SPAG16: variants seen among roughly 807,000 people sequenced by gnomAD.
SPAG16 encodes the protein sperm associated antigen 16, also known as sperm-associated antigen 16 protein.
In SPAG16, 86 loss-of-function variants were observed where a neutral mutation model predicts 80.4. The ratio of observed to expected loss-of-function variants is 1.07; its 90% confidence interval spans 0.90 to 1.28. The LOEUF (loss-of-function observed/expected upper bound fraction) is 1.28, where lower values mean the gene tolerates loss of function less well. SPAG16 is among the 50% of genes most tolerant of loss of function. The pLI, the probability that SPAG16 is intolerant of heterozygous loss-of-function variation, is 0.00. For missense variants in SPAG16, 870 were observed against 765.3 expected (o/e 1.14, Z -1.61); for synonymous variants, 294 against 265.9 (o/e 1.11, Z -1.03).
At chr2:214,048,571 G>A (rs143235392) in intron 13 of SPAG16, among the ~76,000 whole-genome samples, 13 of 151,982 alleles carry the variant, frequency 8.6e-5, no homozygotes, top group African/African-American at 2.4e-4. Context: ...GGTAGTAGAC[G>A]GGTGGCGGGG....
At chr2:214,372,888 A>G (rs900252371) in intron 15 of SPAG16, among the ~76,000 whole-genome samples, 1 of 152,156 alleles carries the variant, frequency 6.6e-6, no homozygotes, top group Non-Finnish European at 1.5e-5. Flanking sequence ...TTAAGATTAG[A>G]AATAAAACTT....
At chr2:213,757,659 A>G (rs1297253471) in intron 10 of SPAG16, among the ~76,000 whole-genome samples, 1 of 152,170 alleles carries the variant, frequency 6.6e-6, no homozygotes, top group Non-Finnish European at 1.5e-5. Flanking sequence ...GATTAATTTC[A>G]GTCAATTTCA....
chr2:213,603,067 C>T (rs749440810), intron 10 of SPAG16, among the ~76,000 whole-genome samples: 38 of 152,142 alleles, frequency 2.5e-4, no homozygotes, highest in Non-Finnish European at 4.7e-4. Flanking sequence ...CATTCATTTG[C>T]GTGAAAAGTG....
intron 3 of SPAG16, among the ~76,000 whole-genome samples, chr2:213,301,222 T>C (rs1193753865): frequency 6.7e-6 from 1 of 148,640 alleles, no homozygotes; most frequent in East Asian, 1.9e-4. Flanking sequence ...ATTCCCATTC[T>C]CTCCATGTAC....
intron 9 of SPAG16, among the ~76,000 whole-genome samples, chr2:213,421,136 G>A (rs927211576): frequency 6.6e-6 from 1 of 152,166 alleles, no homozygotes; most frequent in Non-Finnish European, 1.5e-5. Flanking sequence ...CTGGACCTGG[G>A]CATCCATATA....
At chr2:213,608,213 G>A (rs535630434) in intron 10 of SPAG16, among the ~76,000 whole-genome samples, 27 of 152,188 alleles carry the variant, frequency 1.8e-4, no homozygotes, top group African/African-American at 6.3e-4. Flanking sequence ...TAGGGTACAT[G>A]TGCACAACGT....
At chr2:214,367,077 G>A (rs78691470) in intron 15 of SPAG16, among the ~76,000 whole-genome samples, 2 of 152,108 alleles carry the variant, frequency 1.3e-5, no homozygotes, top group Admixed American at 1.3e-4. Context: ...GGGAATTAGT[G>A]GGGGACAGGA....
At chr2:214,363,012 T>C (rs939996124) in intron 15 of SPAG16, among the ~76,000 whole-genome samples, 3 of 151,914 alleles carry the variant, frequency 2.0e-5, no homozygotes, top group Admixed American at 6.6e-5. Context: ...ACCAGGACTC[T>C]TAATACCATT....
intron 9 of SPAG16, among the ~76,000 whole-genome samples, chr2:213,398,146 AC>A (rs1211067070): frequency 1.3e-5 from 2 of 150,206 alleles, no homozygotes; most frequent in African/African-American, 2.5e-5. Context: ...ATTTTTTCTT[AC>A]CACTAGCACT....
At chr2:213,900,266 G>A (rs1013604981) in intron 11 of SPAG16, among the ~76,000 whole-genome samples, 2 of 152,062 alleles carry the variant, frequency 1.3e-5, no homozygotes, top group East Asian at 3.8e-4. Context: ...AGAATGGCGT[G>A]TCTCCATTTG....
chr2:213,361,789 C>CCACACACA (rs10585217), intron 7 of SPAG16, among the ~76,000 whole-genome samples: 7,564 of 139,974 alleles, frequency 0.054, 229 homozygotes, highest in Middle Eastern at 0.082. Context: ...ACTGATAATG[C>CCACACACA]CACACACACA....
Position 214,141,928 on chromosome 2 carries a change from A to G in SPAG16, c.1594-7212A>G, listed in dbSNP as rs112993721. Among the ~76,000 whole-genome samples, 613 of 152,192 alleles carry G rather than the reference A, an allele frequency of 4.0e-3. 5 individuals are homozygous for G. The highest frequency in any genetic ancestry group is 0.017 in the Middle Eastern group (5 of 294). On this transcript the variant is annotated intron_variant, in intron 14 of 15. Transcript: ENST00000331683. ...AGTCTTGATATTATATTTTTCTTCA[A>G]TTCTGGCAAAGTTTCAGCCATTACA... is the stretch of plus-strand genomic sequence containing the variant.
chr2:213,294,815 A>G (rs1318935126), intron 1 of SPAG16, among the ~76,000 whole-genome samples: 1 of 152,204 alleles, frequency 6.6e-6, no homozygotes, highest in African/African-American at 2.4e-5. Flanking sequence ...GAAAACCCAC[A>G]CAGAACATGG....
intron 11 of SPAG16, among the ~76,000 whole-genome samples, chr2:213,868,003 G>A (rs1194971533): frequency 6.6e-6 from 1 of 151,402 alleles, no homozygotes; most frequent in Non-Finnish European, 1.5e-5. Context: ...GCTACGAAGG[G>A]AAGAGGCAAT....
rs562176677 is a variant in SPAG16 at position 213,877,417 on chromosome 2, C to G, written c.1214+14789C>G. Among the ~76,000 whole-genome samples the G allele has an allele frequency of 5.9e-5, 9 of 152,234 alleles. No homozygotes were observed. The South Asian group carries it at 1.9e-3, about 32-fold the overall frequency. On this transcript the variant is annotated intron_variant, in intron 11 of 15. Coordinates refer to ENST00000331683, the MANE Select transcript of SPAG16 (RefSeq NM_024532.5). Reference sequence around the variant, plus strand: ...CTCAACCTCCCAACATCAAGTGATTCTTCCACCTCAGCTCCCCAAAAAGCT... The same window carrying G: ...CTCAACCTCCCAACATCAAGTGATTGTTCCACCTCAGCTCCCCAAAAAGCT...
chr2:214,181,140 T>C (rs2125670605), intron 15 of SPAG16, among the ~76,000 whole-genome samples: 1 of 151,906 alleles, frequency 6.6e-6, no homozygotes, highest in South Asian at 2.1e-4. Context: ...AAATTAGCAA[T>C]AGTCAGAACA....
intron 10 of SPAG16, among the ~76,000 whole-genome samples, chr2:213,792,106 C>A (rs1431897059): frequency 1.3e-5 from 2 of 152,142 alleles, no homozygotes; most frequent in East Asian, 3.9e-4. Flanking sequence ...AAAAGTGTTA[C>A]CAATTAAAAA....
At chr2:213,643,253 T>C (rs541882657) in intron 10 of SPAG16, among the ~76,000 whole-genome samples, 122 of 148,480 alleles carry the variant, frequency 8.2e-4, no homozygotes, top group African/African-American at 2.8e-3. Context: ...GTTTGTTTGT[T>C]TTTATTCAGC....
At chr2:213,482,164 T>C (rs1329010155) in intron 9 of SPAG16, among the ~76,000 whole-genome samples, 2 of 152,262 alleles carry the variant, frequency 1.3e-5, no homozygotes, top group Non-Finnish European at 2.9e-5. Context: ...TCGCTCATCA[T>C]AATCACTGAG....
Sources: gnomAD v4.1 joint callset for allele counts (sites outside exome capture counted in the v4.1 genomes callset) on GRCh38, gnomAD v4.1.1 for gene constraint, MANE v1.5 for transcripts, NCBI Gene and HGNC (gene_info 2026-07-23, HGNC 2026-07-21) for gene names.